The following KIF13B variants were observed in gnomAD, a reference collection of about 807,000 sequenced individuals.
KIF13B encodes the protein kinesin family member 13B.
KIF13B carries 127 observed loss-of-function variants against 222.0 expected under a neutral mutation model. That is an observed-to-expected ratio of 0.57 (90% confidence interval 0.50 to 0.66). The LOEUF (loss-of-function observed/expected upper bound fraction) is 0.66, where lower values mean the gene tolerates loss of function less well. KIF13B is among the 30% of genes least tolerant of loss of function. The pLI is 0.00. For missense variants in KIF13B, 2,173 were observed against 2,379.0 expected (o/e 0.91, Z 1.80); for synonymous variants, 976 against 919.0 (o/e 1.06, Z -1.12).
chr8:29,104,817 C>T (rs1381111610), intron 35 of KIF13B, among the ~76,000 whole-genome samples: 2 of 152,086 alleles, frequency 1.3e-5, no homozygotes, highest in South Asian at 2.1e-4. Flanking sequence ...GATCTCGGCT[C>T]ACTGCAGGCT....
rs550500045 is a variant in KIF13B, at chr8:29,089,952, G to C, written c.4458+2793C>G. ...TGCATGTATGGTGGAAGCTGTTCTG[G>C]TGTGGCTGTTCAACAAAGCCCACTC... is the stretch of plus-strand genomic sequence containing the variant. On this transcript the variant is annotated intron_variant, in intron 37 of 39. Coordinates refer to ENST00000524189, the MANE Select transcript of KIF13B (RefSeq NM_015254.4). 3.4e-4 allele frequency among the ~76,000 whole-genome samples: 52 copies of C among 152,056 alleles called. No homozygotes were observed. The South Asian group carries it at 0.01, about 30-fold the overall frequency.
chr8:29,172,238 G>A (rs150444903), intron 10 of KIF13B, among the ~76,000 whole-genome samples: 1,928 of 151,692 alleles, frequency 0.013, 25 homozygotes, highest in African/African-American at 0.03. Flanking sequence ...CCGCCACCAC[G>A]CCTGGCTAAT....
At chr8:29,123,952 G>A in intron 27 of KIF13B, 72 bp downstream of exon 27, 1 of 907,768 alleles carries the variant, frequency 1.1e-6, no homozygotes, top group South Asian at 1.5e-5. Flanking sequence ...TAACTGATGT[G>A]GCTACAAAGG....
intron 8 of KIF13B, among the ~76,000 whole-genome samples, chr8:29,178,426 CATACAG>C (rs1489062778): frequency 6.6e-6 from 1 of 151,994 alleles, no homozygotes; most frequent in Non-Finnish European, 1.5e-5. Flanking sequence ...ATATTATATA[CATACAG>C]ATACATAGAT....
chr8:29,188,626 G>A lies in KIF13B; in HGVS notation c.224-19C>T. ...TCTTGACCTGAGAGAGAGAGAATAAGAGAAAAGATATTTTAAGCCAAAACT... is the reference window on the plus strand; with the variant it reads ...TCTTGACCTGAGAGAGAGAGAATAAAAGAAAAGATATTTTAAGCCAAAACT... On this transcript the variant is annotated intron_variant, in intron 4 of 39. Coordinates refer to ENST00000524189, the MANE Select transcript of KIF13B (RefSeq NM_015254.4). 1 of 1,531,232 alleles carries A rather than the reference G, an allele frequency of 6.5e-7. No individual in the cohort carries two copies. Among genetic ancestry groups the A allele is most frequent in the Non-Finnish European group, 9.0e-7 (1 of 1,116,720 alleles). The allele number at this position is 1,531,232 out of a possible 1,614,324, so 94.9% of individuals were successfully genotyped here. A position where few individuals can be genotyped will look rare whatever the true frequency, so the allele number is the denominator to read the frequency against.
chr8:29,105,689 C>T (rs1351489672), intron 35 of KIF13B, among the ~76,000 whole-genome samples: 6 of 108,042 alleles, frequency 5.6e-5, no homozygotes, highest in African/African-American at 1.5e-4. Context: ...GACAGAGTCT[C>T]GCTCTGTCGC....
intron 35 of KIF13B, among the ~76,000 whole-genome samples, chr8:29,104,155 C>T (rs1365680430): frequency 1.3e-5 from 2 of 152,062 alleles, no homozygotes; most frequent in African/African-American, 2.4e-5. Context: ...ACTGCCTCGG[C>T]GCTCCCCAGC....
chr8:29,169,275 C>T (rs1812137122), intron 10 of KIF13B, among the ~76,000 whole-genome samples: 1 of 152,182 alleles, frequency 6.6e-6, no homozygotes, highest in South Asian at 2.1e-4. Flanking sequence ...TTTGTTCGGA[C>T]AATGGAGGTT....
chr8:29,160,467 T>C (rs1811725078), intron 13 of KIF13B, among the ~76,000 whole-genome samples: 1 of 152,192 alleles, frequency 6.6e-6, no homozygotes, highest in Non-Finnish European at 1.5e-5. Flanking sequence ...TAAAGTTATC[T>C]ACTTAATTCC....
chr8:29,077,339 C>A (rs751560088), intron 37 of KIF13B, among the ~76,000 whole-genome samples: 1 of 152,244 alleles, frequency 6.6e-6, no homozygotes, highest in African/African-American at 2.4e-5. Flanking sequence ...GGCTCAAGCA[C>A]GCGTCCCACA....
rs559801069 is a variant in KIF13B at position 29,146,668 on chromosome 8, C to T, written c.2025-128G>A. The T allele has an allele frequency of 3.9e-4, 307 of 778,418 alleles. 4 individuals are homozygous for T. In the South Asian group the frequency reaches 4.8e-3, roughly 12 times the overall value. The allele number at this position is 778,418 out of a possible 1,614,324, so 48.2% of individuals were successfully genotyped here. On this transcript the variant is annotated intron_variant, in intron 17 of 39. Transcript: ENST00000524189. ...TGAGCTTTTTCCGTGGTCGTCTGCA[C>T]GCAGGGACTGTGTTGCTGACACTGA...
At chr8:29,234,138 T>C (rs779407988) in intron 2 of KIF13B, among the ~76,000 whole-genome samples, 3 of 152,120 alleles carry the variant, frequency 2.0e-5, no homozygotes, top group Admixed American at 6.6e-5. Context: ...TGAAAAGTAA[T>C]GTGAGGTCCA....
Position 29,146,488 on chromosome 8 carries a change from C to A in KIF13B, c.2077G>T (p.Ala693Ser), listed in dbSNP as rs1352587020. ...TTAGCTTCTCTCACCAATAGATTGG[C>A]CTTAACAATTTGTTCCCTCAGCCTC... ...LMRLREQIVKANLLVREANYI... is the reference protein window; with the variant it reads ...LMRLREQIVKSNLLVREANYI... Residue 693 changes from alanine (A) to serine (S), a missense_variant, in exon 18 of 40, where the codon GCC becomes TCC. Around this residue, in one of 2 missense-constraint regions of KIF13B, gnomAD observed 1,480 missense variants for 1,722.8 expected, o/e 0.86. Transcript: ENST00000524189. 17 of 1,613,638 alleles carry A rather than the reference C, an allele frequency of 1.1e-5. No individual in the cohort carries two copies. The highest frequency in any genetic ancestry group is 1.4e-5 in the Non-Finnish European group (17 of 1,179,732).
chr8:29,261,180 T>C (rs1816667991), intron 1 of KIF13B, among the ~76,000 whole-genome samples: 1 of 152,202 alleles, frequency 6.6e-6, no homozygotes, highest in Non-Finnish European at 1.5e-5. Flanking sequence ...CTATATAGGC[T>C]AATGGAATCT....
chr8:29,085,019 A>C lies in KIF13B; in HGVS notation c.4458+7726T>G, dbSNP rs146454561. On this transcript the variant is annotated intron_variant, in intron 37 of 39. Transcript: ENST00000524189. ...AAAATGAGAAACATAAGTCCTTATG[A>C]ATATGTTCAAACCAAAAGATCTTGT... is the stretch of plus-strand genomic sequence containing the variant. Among the ~76,000 whole-genome samples the C allele has an allele frequency of 1.8e-4, 28 of 152,390 alleles. No individual in the cohort carries two copies. In the East Asian group the frequency reaches 5.0e-3, roughly 27 times the overall value.
chr8:29,186,926 G>A (rs1359624870), intron 5 of KIF13B, among the ~76,000 whole-genome samples: 2 of 146,318 alleles, frequency 1.4e-5, no homozygotes, highest in Middle Eastern at 3.6e-3. Context: ...CCGAGATTGC[G>A]CCACTGCACT....
At chr8:29,245,232 T>C (rs1423032420) in intron 2 of KIF13B, 114 bp downstream of exon 2, 1 of 719,000 alleles carries the variant, frequency 1.4e-6, no homozygotes, top group Non-Finnish European at 2.4e-6. Flanking sequence ...AAGACAGCAA[T>C]ATGTCTCTAC....
Position 29,140,115 on chromosome 8 carries a change from A to G in KIF13B, c.2561T>C (p.Val854Ala), listed in dbSNP as rs1810745427. 15 of 1,611,962 alleles carry G rather than the reference A, an allele frequency of 9.3e-6. No individual in the cohort carries two copies. The highest frequency in any genetic ancestry group is 1.3e-5 in the African/African-American group (1 of 74,858). ...CTCCTTCTCAAAGGAGACCTCTGCC[A>G]CCTCATCGCCTCCTGCGATCCTCTC... is the stretch of plus-strand genomic sequence containing the variant. ...VGERIAGGDE[V>A]AEVSFEKETQ... Residue 854 changes from valine (V) to alanine (A), a missense_variant, in exon 21 of 40, where the codon GTG becomes GCG. Physicochemically the swap from Val to Ala is moderately conservative, Grantham distance 64. Transcript: ENST00000524189.
At chr8:29,103,301 C>A (rs1307502776) in intron 35 of KIF13B, among the ~76,000 whole-genome samples, 1 of 150,624 alleles carries the variant, frequency 6.6e-6, no homozygotes, top group Non-Finnish European at 1.5e-5. Context: ...TTTGTCTTGA[C>A]AGCATTTGTC....
Sources: allele counts gnomAD v4.1 joint callset (sites outside exome capture counted in the v4.1 genomes callset), GRCh38; gene constraint gnomAD v4.1.1; regional missense constraint gnomAD v4.1.1; transcripts MANE v1.5; gene names NCBI Gene and HGNC (gene_info 2026-07-23, HGNC 2026-07-21).